Variants in HNRNPA2B1 observed in about 807,000 individuals in gnomAD.
The protein encoded by HNRNPA2B1 is heterogeneous nuclear ribonucleoproteins A2/B1.
Under a neutral mutation model 46.3 loss-of-function variants are expected in HNRNPA2B1, and 3 were observed. That is an observed-to-expected ratio of 0.06 (90% CI 0.03 to 0.17). HNRNPA2B1 has a LOEUF of 0.17. Among genes scored for constraint, HNRNPA2B1 ranks in the 10% least tolerant of loss-of-function variants. The pLI is 1.00. For synonymous variants in HNRNPA2B1, 225 were observed against 133.8 expected (o/e 1.68, Z -4.70); for missense variants, 221 against 418.9 (o/e 0.53, Z 4.12).
chr7:26,193,191 T>G, intron 9 of HNRNPA2B1, 60 bp downstream of exon 9: 2 of 1,520,752 alleles, frequency 1.3e-6, no homozygotes, highest in Non-Finnish European at 1.8e-6. Flanking sequence ...TCCCTTTAAG[T>G]CACAAAAGGC....
intron 6 of HNRNPA2B1, among the ~76,000 whole-genome samples, 180 bp from the exon 7 acceptor site, chr7:26,196,089 T>G (rs1280984030): frequency 2.0e-5 from 3 of 152,202 alleles, no homozygotes; most frequent in Admixed American, 6.5e-5. Flanking sequence ...CCGCCTAAAT[T>G]TTGGACTCTT....
chr7:26,196,271 A>C (rs1783624140), intron 6 of HNRNPA2B1, 130 bp downstream of exon 6: 1 of 729,800 alleles, frequency 1.4e-6, no homozygotes, highest in Non-Finnish European at 2.3e-6. Context: ...AGAGCTTGCC[A>C]GGATACAATC....
In HNRNPA2B1 at chr7:26,197,282, T is replaced by C. The variant is rs116289690; in HGVS notation, c.264+33A>G. The C allele has an allele frequency of 7.4e-4, 1,157 of 1,568,564 alleles. 11 individuals carry two copies. In the African/African-American group the frequency reaches 0.013, roughly 18 times the overall value. On this transcript the variant is annotated intron_variant, in intron 3 of 10. Coordinates refer to ENST00000618183, the MANE Select transcript of HNRNPA2B1 (RefSeq NM_002137.4). ...ATTTTCAGCAGGGCAGCGTTCTTCA[T>C]GTTAATGCACAAGACAGTCATTGTT...
chr7:26,196,552 A>G lies in HNRNPA2B1; in HGVS notation c.577+5T>C. The G allele has an allele frequency of 1.2e-6, 2 of 1,613,054 alleles. No homozygotes were observed. Among genetic ancestry groups the G allele is most frequent in the Non-Finnish European group, 8.5e-7 (1 of 1,179,166 alleles). On this transcript the variant is annotated splice_donor_5th_base_variant and intron_variant, in intron 5 of 10. Transcript: ENST00000618183. The stretch of plus-strand genomic sequence containing the variant: ...AAAATAAAGAAGAAACAGAATTAAA[A>G]TTACCTCCTCTTCCACTCCTAGAAC...
chr7:26,195,479 GT>G (rs1265673131), intron 7 of HNRNPA2B1, among the ~76,000 whole-genome samples: 1 of 151,824 alleles, frequency 6.6e-6, no homozygotes, highest in Non-Finnish European at 1.5e-5. Flanking sequence ...CTAGTTACGG[GT>G]TTAGACATAT....
In HNRNPA2B1 at chr7:26,196,009, G is replaced by C. The variant is rs573048679; in HGVS notation, c.659-100C>G. On this transcript the variant is annotated intron_variant, in intron 6 of 10. Coordinates refer to ENST00000618183, the MANE Select transcript of HNRNPA2B1 (RefSeq NM_002137.4). Reference sequence around the variant, plus strand: ...CTTACTACCTCAGCACAATAATTAAGAACCGCAGAAAAGGACACACCAGTG... The same window carrying C: ...CTTACTACCTCAGCACAATAATTAACAACCGCAGAAAAGGACACACCAGTG... 3.4e-5 allele frequency: 49 copies of C among 1,449,596 alleles called. No individual in the cohort carries two copies. The African/African-American group carries it at 6.5e-4, about 19-fold the overall frequency. The allele number at this position is 1,449,596 out of a possible 1,614,324, so 89.8% of individuals were successfully genotyped here.
At position 26,196,540 on chromosome 7, in the gene HNRNPA2B1, A is replaced by G. The variant is rs1422086845; in HGVS notation, c.577+17T>C. On this transcript the variant is annotated intron_variant, in intron 5 of 10. Coordinates refer to ENST00000618183, the MANE Select transcript of HNRNPA2B1 (RefSeq NM_002137.4). ...TATATATGAACAAAAATAAAGAAGA[A>G]ACAGAATTAAAATTACCTCCTCTTC... 6.2e-7 allele frequency: 1 copy of G among 1,612,432 alleles called. No homozygotes were observed. Among genetic ancestry groups the G allele is most frequent in the Non-Finnish European group, 8.5e-7 (1 of 1,178,618 alleles).
intron 10 of HNRNPA2B1, 35 bp downstream of exon 10, chr7:26,192,460 G>C: frequency 5.0e-6 from 7 of 1,397,968 alleles, no homozygotes; most frequent in Non-Finnish European, 7.1e-6. Flanking sequence ...TGTCTCCCAA[G>C]ATAATAATAA....
At chr7:26,198,900 A>C (rs1459771355) in intron 1 of HNRNPA2B1, 1 of 152,132 alleles carries the variant, frequency 6.6e-6, no homozygotes, top group Non-Finnish European at 1.5e-5. Flanking sequence ...CATGCTCCCA[A>C]CTCCTAAAAA....
At chr7:26,194,477 T>C (rs1783282765) in intron 7 of HNRNPA2B1, among the ~76,000 whole-genome samples, 1 of 151,628 alleles carries the variant, frequency 6.6e-6, no homozygotes, top group Non-Finnish European at 1.5e-5. Context: ...GGCGGGTGGA[T>C]TGCTTGAGCC....
chr7:26,193,739 A>T, intron 7 of HNRNPA2B1, 45 bp from the exon 8 acceptor site: 1 of 1,495,794 alleles, frequency 6.7e-7, no homozygotes, highest in Non-Finnish European at 9.2e-7. Flanking sequence ...TATTTTCAAT[A>T]CCATTTTGAA....
At chr7:26,199,015 A>G (rs183029784) in intron 1 of HNRNPA2B1, 1 of 152,346 alleles carries the variant, frequency 6.6e-6, no homozygotes, top group Admixed American at 6.5e-5. Flanking sequence ...TATGAGACAC[A>G]AAGCAGTCTT....
At chr7:26,195,683 G>C (rs1432773291) in intron 7 of HNRNPA2B1, 164 bp downstream of exon 7, 1 of 688,014 alleles carries the variant, frequency 1.5e-6, no homozygotes, top group Non-Finnish European at 2.4e-6. Flanking sequence ...GGCTATAACA[G>C]CTAAGATGGC....
rs1401380216 is a variant in HNRNPA2B1 at position 26,190,050 on chromosome 7, ATGG to A, written c.*2307_*2309del. 2.0e-5 allele frequency: 3 copies of A among 152,570 alleles called. No homozygotes were observed. The highest frequency in any genetic ancestry group is 4.8e-5 in the African/African-American group (2 of 41,456). 9.5% of individuals were successfully genotyped at this position (152,570 alleles called of 1,614,324 possible). Reference sequence around the variant, plus strand: ...GAAACTGCTTTTAAAAATTTAGGGGATGGTGATCTTTTAGACAACCAAATATTT... The same window carrying A: ...GAAACTGCTTTTAAAAATTTAGGGGATGATCTTTTAGACAACCAAATATTT... On this transcript the variant is annotated 3_prime_UTR_variant, in exon 11 of 11. Coordinates refer to ENST00000618183, the MANE Select transcript of HNRNPA2B1 (RefSeq NM_002137.4).
At chr7:26,196,312 T>G in intron 6 of HNRNPA2B1, 89 bp downstream of exon 6, 1 of 1,074,994 alleles carries the variant, frequency 9.3e-7, no homozygotes, top group Non-Finnish European at 1.4e-6. Context: ...TTGACTTAGG[T>G]TGGATTTCTT....
In HNRNPA2B1 at chr7:26,192,591, A is replaced by T. The variant is rs779301053; in HGVS notation, c.965-14T>A. Reference sequence around the variant, plus strand: ...GACCATAGTTTCCTATAATTGTTGGAACAGCAAGAGAAAACAAACTTACTT... The same window carrying T: ...GACCATAGTTTCCTATAATTGTTGGTACAGCAAGAGAAAACAAACTTACTT... On this transcript the variant is annotated splice_polypyrimidine_tract_variant and intron_variant, in intron 9 of 10. Coordinates refer to ENST00000618183, the MANE Select transcript of HNRNPA2B1 (RefSeq NM_002137.4). 8 of 1,612,220 alleles carry T rather than the reference A, an allele frequency of 5.0e-6. No individual in the cohort carries two copies. Among genetic ancestry groups the T allele is most frequent in the Non-Finnish European group, 6.8e-6 (8 of 1,178,396 alleles).
At chr7:26,194,461 A>T (rs1198088336) in intron 7 of HNRNPA2B1, among the ~76,000 whole-genome samples, 1 of 152,080 alleles carries the variant, frequency 6.6e-6, no homozygotes, top group African/African-American at 2.4e-5. Context: ...CAGTACGGGA[A>T]GTTGAGGCGG....
chr7:26,197,779 T>C (rs1161787711), intron 1 of HNRNPA2B1, 47 bp from the exon 2 acceptor site: 2 of 1,597,946 alleles, frequency 1.3e-6, no homozygotes, highest in Admixed American at 1.7e-5. Flanking sequence ...TTTTCCTCTT[T>C]GTATGCAGGA....
Position 26,190,336 on chromosome 7 carries a change from T to C in HNRNPA2B1, c.*2024A>G, listed in dbSNP as rs1036884575. On this transcript the variant is annotated 3_prime_UTR_variant, in exon 11 of 11. Coordinates refer to ENST00000618183, the MANE Select transcript of HNRNPA2B1 (RefSeq NM_002137.4). ...TATCAGAAAACATTTCCCTTTTATT[T>C]TAAAGAGTGCTTTTTAAATGAAGGC... The C allele has an allele frequency of 8.5e-5, 13 of 152,606 alleles. No individual in the cohort carries two copies. Among genetic ancestry groups the C allele is most frequent in the Admixed American group, 8.5e-4 (13 of 15,276 alleles). The allele number at this position is 152,606 out of a possible 1,614,324, so 9.5% of individuals were successfully genotyped here.
Sources: gnomAD v4.1 joint callset for allele counts (sites outside exome capture counted in the v4.1 genomes callset) on GRCh38, gnomAD v4.1.1 for gene constraint, MANE v1.5 for transcripts, NCBI Gene and HGNC (gene_info 2026-07-23, HGNC 2026-07-21) for gene names.